PTPRR: variants seen among roughly 807,000 people sequenced by gnomAD.
PTPRR encodes the protein protein tyrosine phosphatase receptor type R.
In PTPRR, 38 loss-of-function variants were observed where a neutral mutation model predicts 77.2. The ratio of observed to expected loss-of-function variants is 0.49; its 90% CI spans 0.38 to 0.65. The LOEUF (loss-of-function observed/expected upper bound fraction) is 0.65. Among genes scored for constraint, PTPRR ranks in the 30% least tolerant of loss-of-function variants. The probability of loss-of-function intolerance (pLI) is 0.00; values close to 1 mark genes in which losing one functional copy is unlikely to be tolerated. For synonymous variants in PTPRR, 299 were observed against 283.1 expected, an observed-to-expected ratio of 1.06 and a Z score of -0.57; for missense variants, 744 against 799.2, an observed-to-expected ratio of 0.93 and a Z score of 0.83.
chr12:70,721,039 A>G (rs908777354), intron 6 of PTPRR, among the ~76,000 whole-genome samples: 7 of 152,170 alleles, frequency 4.6e-5, no homozygotes, highest in Admixed American at 2.0e-4. Context: ...TGCATATCTT[A>G]TATAAACCAG....
rs1442298259 is a variant in PTPRR at position 70,791,017 on chromosome 12, A to G, written c.358-26239T>C. On this transcript the variant is annotated intron_variant, in intron 2 of 13. Transcript: ENST00000283228. ...TCTATCATGGGCCAAAGCCACATCT[A>G]TCATGGACCAAAGCCACTGCCAAAG... Among the ~76,000 whole-genome samples, 3 of 152,310 alleles carry G rather than the reference A, an allele frequency of 2.0e-5. No homozygotes were observed. The East Asian group carries it at 5.8e-4, about 29-fold the overall frequency.
At chr12:70,677,533 T>A (rs966750961) in intron 10 of PTPRR, among the ~76,000 whole-genome samples, 2 of 152,038 alleles carry the variant, frequency 1.3e-5, no homozygotes, top group Middle Eastern at 3.2e-3. Context: ...CAATATGATG[T>A]TTGTTGTGGG....
intron 10 of PTPRR, among the ~76,000 whole-genome samples, chr12:70,666,761 T>A (rs1313599250): frequency 2.0e-5 from 3 of 152,004 alleles, no homozygotes; most frequent in African/African-American, 4.8e-5. Flanking sequence ...ATATAAACAA[T>A]GTGATTGACA....
chr12:70,744,723 GC>G (rs1375155235), intron 6 of PTPRR, among the ~76,000 whole-genome samples: 1 of 152,054 alleles, frequency 6.6e-6, no homozygotes, highest in African/African-American at 2.4e-5. Flanking sequence ...AAAACCTCAG[GC>G]AACAAAATAT....
At chr12:70,832,392 T>G (rs1243186784) in intron 2 of PTPRR, among the ~76,000 whole-genome samples, 4 of 152,198 alleles carry the variant, frequency 2.6e-5, no homozygotes, top group African/African-American at 9.7e-5. Flanking sequence ...CTTCTGATTT[T>G]TAAATGCTAT....
intron 2 of PTPRR, among the ~76,000 whole-genome samples, chr12:70,789,647 A>C (rs1891389460): frequency 6.6e-6 from 1 of 152,148 alleles, no homozygotes. Context: ...AGATGGCAAC[A>C]AAAAAATTAA....
intron 6 of PTPRR, among the ~76,000 whole-genome samples, chr12:70,719,588 A>C (rs940991513): frequency 2.0e-5 from 3 of 152,152 alleles, no homozygotes; most frequent in African/African-American, 7.2e-5. Context: ...AAAGGCTTAA[A>C]TACTGAAAGA....
At chr12:70,795,913 A>ATTTTTTT (rs71437157) in intron 2 of PTPRR, among the ~76,000 whole-genome samples, 7,291 of 88,328 alleles carry the variant, frequency 0.083, 2,855 homozygotes, top group South Asian at 0.15. Flanking sequence ...TATTTAGTAG[A>ATTTTTTT]TTTTTTTTTT....
chr12:70,763,455 T>A (rs1182547297), intron 3 of PTPRR, among the ~76,000 whole-genome samples: 2 of 152,230 alleles, frequency 1.3e-5, no homozygotes, highest in African/African-American at 4.8e-5. Context: ...GAATGTTGTA[T>A]TTCTTCTTCT....
intron 2 of PTPRR, among the ~76,000 whole-genome samples, chr12:70,787,519 C>T (rs1592757843): frequency 6.6e-6 from 1 of 152,132 alleles, no homozygotes; most frequent in African/African-American, 2.4e-5. Context: ...GTTAGTCCTC[C>T]TCATATTAAA....
At position 70,914,620 on chromosome 12, in the gene PTPRR, G is replaced by A. The variant is rs1021744190; in HGVS notation, c.58+5713C>T. Among the ~76,000 whole-genome samples, 4 of 152,164 alleles carry A rather than the reference G, an allele frequency of 2.6e-5. No homozygotes were observed. In the East Asian group the frequency reaches 5.8e-4, roughly 22 times the overall value. On this transcript the variant is annotated intron_variant, in intron 1 of 13. Coordinates refer to ENST00000283228, the MANE Select transcript of PTPRR (RefSeq NM_002849.4). ...TCACAATGTTAGGGAATATTTATCA[G>A]AGTAATTGTGTTGAGAAGTGTTGAG... is the stretch of plus-strand genomic sequence containing the variant.
intron 4 of PTPRR, chr12:70,754,759 TAATA>T (rs765058202): frequency 2.6e-6 from 4 of 1,541,918 alleles, no homozygotes; most frequent in African/African-American, 1.4e-5. Context: ...TGTGGTGCAT[TAATA>T]AATACAGCAA....
At chr12:70,845,783 C>T (rs990006864) in intron 2 of PTPRR, among the ~76,000 whole-genome samples, 6 of 152,086 alleles carry the variant, frequency 3.9e-5, no homozygotes, top group African/African-American at 1.4e-4. Flanking sequence ...GAGGGCAATT[C>T]GCTAAATTGC....
chr12:70,913,328 A>G (rs910853827), intron 1 of PTPRR, among the ~76,000 whole-genome samples: 2 of 152,146 alleles, frequency 1.3e-5, no homozygotes, highest in African/African-American at 4.8e-5. Flanking sequence ...TTGGTTTTTA[A>G]TTCAGAGAGA....
At chr12:70,784,978 A>C (rs1891291946) in intron 2 of PTPRR, among the ~76,000 whole-genome samples, 1 of 152,252 alleles carries the variant, frequency 6.6e-6, no homozygotes, top group Non-Finnish European at 1.5e-5. Flanking sequence ...TGGTCAAAAC[A>C]ATTTGGTTTT....
chr12:70,888,808 A>G (rs556852415), intron 2 of PTPRR, among the ~76,000 whole-genome samples: 41 of 152,126 alleles, frequency 2.7e-4, no homozygotes, highest in Non-Finnish European at 4.4e-4. Context: ...AGCTCAACAC[A>G]GACCTATTGT....
rs563585308 is a variant in PTPRR at position 70,702,851 on chromosome 12, T to C, written c.1008-1528A>G. Among the ~76,000 whole-genome samples the C allele has an allele frequency of 3.3e-5, 5 of 152,096 alleles. No homozygotes were observed. The East Asian group carries it at 9.7e-4, about 29-fold the overall frequency. ...CCTTTTAATGGTTGAAACTACTTGA[T>C]TTTTTTTCGAGATAAACACTACATC... On this transcript the variant is annotated intron_variant, in intron 6 of 13. Transcript: ENST00000283228.
At chr12:70,885,321 C>A (rs902042104) in intron 2 of PTPRR, among the ~76,000 whole-genome samples, 4 of 152,090 alleles carry the variant, frequency 2.6e-5, no homozygotes, top group African/African-American at 9.7e-5. Context: ...GTGAAAGCTA[C>A]TATACAATGA....
chr12:70,754,614 T>G (rs1890512785), intron 4 of PTPRR: 1 of 1,597,858 alleles, frequency 6.3e-7, no homozygotes, highest in Non-Finnish European at 8.5e-7. Flanking sequence ...GTTCTGTTCT[T>G]TTCTGTGTGG....
Sources: allele counts gnomAD v4.1 joint callset (sites outside exome capture counted in the v4.1 genomes callset), GRCh38; gene constraint gnomAD v4.1.1; transcripts MANE v1.5; gene names NCBI Gene and HGNC (gene_info 2026-07-23, HGNC 2026-07-21).